Variants in SETMAR observed in about 807,000 individuals in gnomAD.
SETMAR encodes histone-lysine N-methyltransferase SETMAR.
SETMAR carries 44 observed loss-of-function variants against 58.4 expected under a neutral mutation model. The ratio of observed to expected loss-of-function variants is 0.75; its 90% CI spans 0.59 to 0.97. SETMAR has a LOEUF of 0.97. Among genes scored for constraint, SETMAR ranks in the 50% least tolerant of loss-of-function variants. SETMAR has a pLI of 0.00. For missense variants in SETMAR, 903 were observed against 840.2 expected (o/e 1.07, Z -0.92); for synonymous variants, 332 against 307.4 (o/e 1.08, Z -0.84).
At chr3:4,310,260 A>G (rs1698353470) in intron 1 of SETMAR, among the ~76,000 whole-genome samples, 1 of 152,218 alleles carries the variant, frequency 6.6e-6, no homozygotes, top group Admixed American at 6.5e-5. Flanking sequence ...ACCTCACATT[A>G]TTTCTGAAAA....
In SETMAR at chr3:4,313,012, C is replaced by G; in HGVS notation, c.271C>G (p.Arg91Gly). Reference sequence around the variant, plus strand: ...CCTCCCTGGCACTTGCTCCTGTCTCCGCCATGGAGAGAACTATGATGATAA... The same window carrying G: ...CCTCCCTGGCACTTGCTCCTGTCTCGGCCATGGAGAGAACTATGATGATAA... ...PCLPGTCSCLRHGENYDDNSC... is the reference protein window; with the variant it reads ...PCLPGTCSCLGHGENYDDNSC... Residue 91 changes from arginine (R) to glycine (G), a missense_variant, in exon 2 of 3, where the codon CGC (arginine) becomes GGC (glycine). Coordinates refer to ENST00000358065, the MANE Select transcript of SETMAR (RefSeq NM_006515.4). The G allele has an allele frequency of 6.2e-7, 1 of 1,613,860 alleles. No homozygotes were observed. The highest frequency in any genetic ancestry group is 8.5e-7 in the Non-Finnish European group (1 of 1,179,864).
chr3:4,315,798 G>A (rs1012775988), intron 2 of SETMAR, among the ~76,000 whole-genome samples: 3 of 152,098 alleles, frequency 2.0e-5, no homozygotes, highest in African/African-American at 4.8e-5. Context: ...TGTAATCCCA[G>A]CACTTTGGGA....
At chr3:4,308,296 A>G (rs2125083585) in intron 1 of SETMAR, among the ~76,000 whole-genome samples, 1 of 152,314 alleles carries the variant, frequency 6.6e-6, no homozygotes, top group Admixed American at 6.5e-5. Context: ...CCTACTATGC[A>G]CTACCTGCAA....
chr3:4,315,813 G>C (rs544147766), intron 2 of SETMAR, among the ~76,000 whole-genome samples: 1 of 152,216 alleles, frequency 6.6e-6, no homozygotes, highest in South Asian at 2.1e-4. Flanking sequence ...TTGGGAGGCT[G>C]AGGCAGGCAG....
rs1043343079 is a variant in SETMAR, at chr3:4,317,171, T to G, written c.1980T>G (p.Phe660Leu). The part of the protein sequence containing the change: ...QEFVESQSTD[F>L]YATGINQLIS... ...TCGTCGAATCCCAAAGCACGGATTTTTACGCTACAGGAATAAACCAACTTA... is the reference window on the plus strand; with the variant it reads ...TCGTCGAATCCCAAAGCACGGATTTGTACGCTACAGGAATAAACCAACTTA... Residue 660 changes from phenylalanine to leucine, a missense_variant, in exon 3 of 3, where the codon TTT (phenylalanine) becomes TTG (leucine). Coordinates refer to ENST00000358065, the MANE Select transcript of SETMAR (RefSeq NM_006515.4). The G allele has an allele frequency of 1.9e-5, 29 of 1,550,106 alleles. No homozygotes were observed. The highest frequency in any genetic ancestry group is 2.4e-5 in the Non-Finnish European group (27 of 1,146,452).
chr3:4,308,287 CTACTATGCACTACCT>C (rs1377476830), intron 1 of SETMAR, among the ~76,000 whole-genome samples: 1 of 152,186 alleles, frequency 6.6e-6, no homozygotes, highest in Non-Finnish European at 1.5e-5. Flanking sequence ...CTTCACTACC[CTACTATGCACTACCT>C]GCAAAATTTT....
chr3:4,311,562 G>A (rs1471356588), intron 1 of SETMAR, among the ~76,000 whole-genome samples: 2 of 152,158 alleles, frequency 1.3e-5, no homozygotes, highest in Non-Finnish European at 2.9e-5. Context: ...TATCAGTACT[G>A]AAAAAAGTCA....
Position 4,317,254 on chromosome 3 carries a change from G to T in SETMAR, c.*8G>T. 1.3e-6 allele frequency: 2 copies of T among 1,514,806 alleles called. No homozygotes were observed. The highest frequency in any genetic ancestry group is 1.2e-5 in the South Asian group (1 of 81,752). The allele number at this position is 1,514,806 out of a possible 1,614,324, so 93.8% of individuals were successfully genotyped here. A position where few individuals can be genotyped will look rare whatever the true frequency, so the allele number is the denominator to read the frequency against. ...GGTTCCTATTTTGATTAATAAAAATGCGTTGAGCCTAGTTATAATGATTTA... is the reference window on the plus strand; with the variant it reads ...GGTTCCTATTTTGATTAATAAAAATTCGTTGAGCCTAGTTATAATGATTTA... On this transcript the variant is annotated 3_prime_UTR_variant, in exon 3 of 3. Coordinates refer to ENST00000358065, the MANE Select transcript of SETMAR (RefSeq NM_006515.4).
intron 1 of SETMAR, among the ~76,000 whole-genome samples, chr3:4,305,586 A>G (rs181755192): frequency 1.9e-4 from 29 of 152,344 alleles, no homozygotes; most frequent in African/African-American, 6.7e-4. Context: ...ACAACCCTCC[A>G]GGGCAATTTC....
rs1559220459 is a variant in SETMAR at position 4,316,232 on chromosome 3, CAA to C, written c.1045_1046del (p.Lys349AlafsTer15). 2 of 727,362 alleles carry C rather than the reference CAA, an allele frequency of 2.7e-6. No homozygotes were observed. The highest frequency in any genetic ancestry group is 4.0e-5 in the Admixed American group (2 of 49,778). 45.1% of individuals were successfully genotyped at this position (727,362 alleles called of 1,614,324 possible). On this transcript the variant is annotated frameshift_variant, in exon 3 of 3. Coordinates refer to ENST00000358065, the MANE Select transcript of SETMAR (RefSeq NM_006515.4). LOFTEE classifies it high-confidence loss of function. The part of the protein sequence containing the change: ...TLETMKMMLD[K>X]KQIRAIFLFE... ...TTTAGACTATGAAAATGATGTTAGA[CAA>C]AAAGCAAATTCGAGCAATTTTCTTA...
chr3:4,313,133 G>T lies in SETMAR; in HGVS notation c.392G>T (p.Arg131Ile), dbSNP rs750562265. ...LCRCSDHCRN[R>I]VVQKGLQFHF... The stretch of plus-strand genomic sequence containing the variant: ...CGATGCAGTGACCACTGCAGAAACA[G>T]AGTGGTCCAGAAAGGTCTACAGTTC... Residue 131 changes from arginine (R) to isoleucine (I), a missense_variant, in exon 2 of 3, where the codon AGA becomes ATA. By Grantham distance (97) the Arg-to-Ile change is moderately conservative. Transcript: ENST00000358065. 1 of 1,614,034 alleles carries T rather than the reference G, an allele frequency of 6.2e-7. No individual in the cohort carries two copies. Among genetic ancestry groups the T allele is most frequent in the East Asian group, 2.2e-5 (1 of 44,880 alleles).
Position 4,313,174 on chromosome 3 carries a change from A to C in SETMAR, c.433A>C (p.Lys145Gln). 1.2e-6 allele frequency: 2 copies of C among 1,614,070 alleles called. No individual in the cohort carries two copies. Among genetic ancestry groups the C allele is most frequent in the Non-Finnish European group, 1.7e-6 (2 of 1,179,982 alleles). The change falls in exon 2 of 3, where the codon AAG becomes CAG. Residue 145 changes from lysine to glutamine, a missense_variant. Physicochemically the swap from Lys to Gln is moderately conservative, Grantham distance 53. Transcript: ENST00000358065. ...KGLQFHFQVF[K>Q]THKKGWGLRT... ...TCTACAGTTCCACTTCCAAGTGTTC[A>C]AGACGCATAAAAAAGGCTGGGGACT...
At chr3:4,303,589 G>A (rs1698043184) in intron 1 of SETMAR, 63 bp downstream of exon 1, 1 of 1,377,476 alleles carries the variant, frequency 7.3e-7, no homozygotes, top group African/African-American at 1.5e-5. Context: ...GTCTCCTCAA[G>A]CCGCCTCGCT....
At chr3:4,306,557 A>T (rs978550440) in intron 1 of SETMAR, among the ~76,000 whole-genome samples, 4 of 152,198 alleles carry the variant, frequency 2.6e-5, no homozygotes, top group African/African-American at 9.6e-5. Context: ...GAGTTACAAA[A>T]ATAAGACAGG....
chr3:4,311,874 G>A (rs188553933), intron 1 of SETMAR, among the ~76,000 whole-genome samples: 1 of 152,176 alleles, frequency 6.6e-6, no homozygotes, highest in Admixed American at 6.5e-5. Context: ...AAAAAAATCT[G>A]CTGGGTTCAT....
chr3:4,312,762 G>A (rs1698460394), intron 1 of SETMAR, 136 bp from the exon 2 acceptor site: 1 of 924,250 alleles, frequency 1.1e-6, no homozygotes, highest in Non-Finnish European at 1.6e-6. Context: ...CAATATCTTA[G>A]TATGCTGTGT....
At chr3:4,306,202 T>G (rs1178425483) in intron 1 of SETMAR, among the ~76,000 whole-genome samples, 3 of 152,206 alleles carry the variant, frequency 2.0e-5, no homozygotes, top group African/African-American at 7.2e-5. Flanking sequence ...AGTCATATTT[T>G]TCTTTGCCAT....
intron 1 of SETMAR, among the ~76,000 whole-genome samples, chr3:4,310,793 G>A (rs1405219352): frequency 7.9e-5 from 12 of 152,004 alleles, no homozygotes; most frequent in Admixed American, 5.9e-4. Flanking sequence ...AAACTTTAGC[G>A]TTTAGTGATT....
chr3:4,316,606 G>A lies in SETMAR; in HGVS notation c.1415G>A (p.Arg472His), dbSNP rs1168451506. Residue 472 changes from arginine to histidine, a missense_variant, in exon 3 of 3, where the codon CGT (arginine) becomes CAT (histidine). Transcript: ENST00000358065. ...HELTENQKNR[R>H]FEVSSSLILR... ...CTGACTGAAAATCAAAAAAATCGTC[G>A]TTTTGAAGTGTCATCTTCTCTTATT... 5.2e-6 allele frequency: 8 copies of A among 1,551,092 alleles called. No individual in the cohort carries two copies. The highest frequency in any genetic ancestry group is 3.9e-5 in the Admixed American group (2 of 50,940).
Sources: allele counts gnomAD v4.1 joint callset (sites outside exome capture counted in the v4.1 genomes callset), GRCh38; gene constraint gnomAD v4.1.1; transcripts MANE v1.5; gene names NCBI Gene and HGNC (gene_info 2026-07-23, HGNC 2026-07-21).